The following PRKCE variants were observed in gnomAD, a reference collection of about 807,000 sequenced individuals.
PRKCE encodes protein kinase C epsilon, also known as protein kinase C epsilon type.
PRKCE carries 16 observed loss-of-function variants against 85.4 expected under a neutral mutation model. The observed-to-expected ratio is 0.19, with a 90% CI of 0.13 to 0.28. The LOEUF (loss-of-function observed/expected upper bound fraction) is 0.28. Among genes scored for constraint, PRKCE ranks in the 10% least tolerant of loss-of-function variants. The pLI is 1.00. For missense variants in PRKCE, 573 were observed against 975.2 expected, an observed-to-expected ratio of 0.59 and a Z score of 5.49; for synonymous variants, 388 against 371.5, an observed-to-expected ratio of 1.04 and a Z score of -0.51.
At chr2:46,110,977 A>G (rs1198175621) in intron 11 of PRKCE, among the ~76,000 whole-genome samples, 2 of 152,098 alleles carry the variant, frequency 1.3e-5, no homozygotes, top group African/African-American at 4.8e-5. Context: ...GTATTGTTTT[A>G]TCTCCAAATA....
At position 46,041,652 on chromosome 2, in the gene PRKCE, T is replaced by G. The variant is rs963867327; in HGVS notation, c.1437+31135T>G. 3.9e-5 allele frequency among the ~76,000 whole-genome samples: 6 copies of G among 152,378 alleles called. No homozygotes were observed. The highest frequency in any genetic ancestry group is 1.4e-4 in the African/African-American group (6 of 41,588). On this transcript the variant is annotated intron_variant, in intron 10 of 14. Coordinates refer to ENST00000306156, the MANE Select transcript of PRKCE (RefSeq NM_005400.3). This position sits in a 1 kb window ranked among gnomAD's most constrained non-coding sequence, Gnocchi z 5.5. The stretch of plus-strand genomic sequence containing the variant: ...TGCCAAGTCACAAATAATAGCTTTT[T>G]CCCTTAACTTGGAATGAACAACATA...
intron 1 of PRKCE, among the ~76,000 whole-genome samples, chr2:45,654,159 G>C (rs1238907878): frequency 1.3e-5 from 2 of 152,232 alleles, no homozygotes; most frequent in African/African-American, 4.8e-5. Context: ...TTGGACAGTG[G>C]GGCAGAGAGC....
intron 14 of PRKCE, among the ~76,000 whole-genome samples, chr2:46,172,260 G>A (rs563506982): frequency 7.2e-5 from 11 of 152,344 alleles, no homozygotes; most frequent in Non-Finnish European, 1.0e-4. Context: ...AGCCTCTTGC[G>A]GGAGCCAAGA....
intron 1 of PRKCE, among the ~76,000 whole-genome samples, chr2:45,765,714 C>G (rs1320401582): frequency 2.6e-5 from 4 of 152,176 alleles, no homozygotes; most frequent in African/African-American, 9.7e-5. Context: ...CTGTTGACCC[C>G]CACGTCCTAA....
chr2:45,675,877 G>C (rs1204168264), intron 1 of PRKCE, among the ~76,000 whole-genome samples: 1 of 152,124 alleles, frequency 6.6e-6, no homozygotes, highest in African/African-American at 2.4e-5. Flanking sequence ...CAGGATAGGT[G>C]GGTGGGGAGG....
intron 14 of PRKCE, among the ~76,000 whole-genome samples, chr2:46,178,573 G>A (rs901916068): frequency 6.6e-5 from 10 of 152,030 alleles, no homozygotes; most frequent in Non-Finnish European, 1.3e-4. Context: ...CTTTTAATTC[G>A]AATGTATGGC....
At chr2:45,904,555 G>A (rs945101067) in intron 2 of PRKCE, among the ~76,000 whole-genome samples, 10 of 152,170 alleles carry the variant, frequency 6.6e-5, no homozygotes, top group African/African-American at 2.4e-4. Context: ...GTGCTCGGTG[G>A]GTTGGGCTCT....
At chr2:45,826,638 C>T (rs1573510817) in intron 1 of PRKCE, among the ~76,000 whole-genome samples, 1 of 152,102 alleles carries the variant, frequency 6.6e-6, no homozygotes, top group East Asian at 1.9e-4. Flanking sequence ...GCAGCTGTCC[C>T]CGGCTGTCTC....
At chr2:45,858,762 C>T (rs751789675) in intron 2 of PRKCE, among the ~76,000 whole-genome samples, 34 of 152,044 alleles carry the variant, frequency 2.2e-4, no homozygotes, top group African/African-American at 7.0e-4. Context: ...AGTATCAGGC[C>T]GGGTGCGGTG....
rs537263895 is a variant in PRKCE at position 45,838,142 on chromosome 2, G to A, written c.349-4858G>A. Among the ~76,000 whole-genome samples, 3 of 152,292 alleles carry A rather than the reference G, an allele frequency of 2.0e-5. No homozygotes were observed. The East Asian group carries it at 5.8e-4, about 29-fold the overall frequency. On this transcript the variant is annotated intron_variant, in intron 1 of 14. Coordinates refer to ENST00000306156, the MANE Select transcript of PRKCE (RefSeq NM_005400.3). ...GGGTGGTCAAGGTGTCTGAGGTATT[G>A]CTGTGCCTTCCAGGTCTGCCTGGGG... is the stretch of plus-strand genomic sequence containing the variant.
intron 11 of PRKCE, among the ~76,000 whole-genome samples, chr2:46,113,865 G>A (rs558613515): frequency 2.0e-5 from 3 of 152,300 alleles, no homozygotes; most frequent in Middle Eastern, 3.4e-3. Context: ...CCACTTATTC[G>A]TCTCAGTCCT....
intron 14 of PRKCE, among the ~76,000 whole-genome samples, chr2:46,172,858 G>A (rs750517172): frequency 6.6e-6 from 1 of 152,214 alleles, no homozygotes; most frequent in Non-Finnish European, 1.5e-5. Context: ...TCTCCTTTAT[G>A]TGGATTCCTC....
intron 10 of PRKCE, 66 bp from the exon 11 acceptor site, chr2:46,086,142 C>T: frequency 6.5e-7 from 1 of 1,533,656 alleles, no homozygotes; most frequent in South Asian, 1.2e-5. Context: ...TGAGCTCACA[C>T]TAAGCTGGCC....
At chr2:45,659,672 C>G (rs1344728447) in intron 1 of PRKCE, among the ~76,000 whole-genome samples, 1 of 152,200 alleles carries the variant, frequency 6.6e-6, no homozygotes, top group Non-Finnish European at 1.5e-5. Context: ...ATGCTCCTGC[C>G]TCAGTCTTTA....
chr2:45,820,667 G>A (rs34274023), intron 1 of PRKCE, among the ~76,000 whole-genome samples: 43,757 of 152,016 alleles, frequency 0.29, 6,585 homozygotes, highest in African/African-American at 0.36. Context: ...CTTGAGTCTT[G>A]TTTCCCGACA....
intron 10 of PRKCE, among the ~76,000 whole-genome samples, chr2:46,033,903 C>T (rs1039550771): frequency 2.0e-5 from 3 of 152,084 alleles, no homozygotes; most frequent in Non-Finnish European, 4.4e-5. Context: ...ATGAGAGGAA[C>T]AAATTGAGGG....
At chr2:45,809,278 G>A (rs1688480059) in intron 1 of PRKCE, among the ~76,000 whole-genome samples, 1 of 152,194 alleles carries the variant, frequency 6.6e-6, no homozygotes, top group South Asian at 2.1e-4. Flanking sequence ...GTGCTGATTT[G>A]TTATCCTGTA....
At chr2:45,794,958 C>T (rs117411131) in intron 1 of PRKCE, among the ~76,000 whole-genome samples, 5 of 151,660 alleles carry the variant, frequency 3.3e-5, no homozygotes, top group African/African-American at 4.8e-5. Context: ...ATTCAGACTC[C>T]GCTTCTGCTG....
chr2:46,086,243 T>G lies in PRKCE; in HGVS notation c.1473T>G (p.Gly491=), dbSNP rs1428626546. The change falls in exon 11 of 15, where the codon GGT becomes GGG. Residue 491 remains glycine (G), a synonymous_variant. Transcript: ENST00000306156. ...TTTTCGTCATGGAATATGTAAATGG[T>G]GGAGACCTCATGTTTCAGATTCAGC... ...RLFFVMEYVN[G]GDLMFQIQRS... is the part of the protein sequence containing the mutation. 9 of 1,599,588 alleles carry G rather than the reference T, an allele frequency of 5.6e-6. No homozygotes were observed. Among genetic ancestry groups the G allele is most frequent in the Non-Finnish European group, 7.6e-6 (9 of 1,179,946 alleles).
Sources: gnomAD v4.1 joint callset for allele counts (sites outside exome capture counted in the v4.1 genomes callset) on GRCh38, gnomAD v4.1.1 for gene constraint, Gnocchi (gnomAD v3.1) non-coding constraint, MANE v1.5 for transcripts, NCBI Gene and HGNC (gene_info 2026-07-23, HGNC 2026-07-21) for gene names.